Variants in ANKRD42 observed in about 807,000 individuals in gnomAD.
The protein encoded by ANKRD42 is ankyrin repeat domain 42, also known as ankyrin repeat domain-containing protein 42.
Under a neutral mutation model 51.5 loss-of-function variants are expected in ANKRD42, and 43 were observed. The ratio of observed to expected loss-of-function variants is 0.83; its 90% CI spans 0.65 to 1.08. The LOEUF is 1.08. Among genes scored for constraint, ANKRD42 ranks in the 50% least tolerant of loss-of-function variants. The pLI is 0.00. For missense variants in ANKRD42, 608 were observed against 629.3 expected (o/e 0.97, Z 0.36); for synonymous variants, 203 against 213.0 (o/e 0.95, Z 0.41).
downstream of ANKRD42, among the ~76,000 whole-genome samples, chr11:83,263,262 CTT>C (rs1864038127): frequency 6.6e-6 from 1 of 152,146 alleles, no homozygotes. Flanking sequence ...CAAATGAACA[CTT>C]ATTGTGAGGT....
intron 5 of ANKRD42, among the ~76,000 whole-genome samples, chr11:83,220,650 A>G (rs1445733600): frequency 6.6e-6 from 1 of 152,064 alleles, no homozygotes; most frequent in Non-Finnish European, 1.5e-5. Context: ...GCTTTGCTGG[A>G]TTCTTGGATG....
intron 1 of ANKRD42, among the ~76,000 whole-genome samples, chr11:83,198,115 C>G (rs1181660321): frequency 4.6e-5 from 7 of 152,200 alleles, no homozygotes; most frequent in Admixed American, 6.5e-5. Context: ...GGCAAGTCAT[C>G]AACATTACCA....
At position 83,206,250 on chromosome 11, in the gene ANKRD42, A is replaced by G. The variant is rs905239392; in HGVS notation, c.330+85A>G. On this transcript the variant is annotated intron_variant, in intron 3 of 10. Coordinates refer to ENST00000533342, the MANE Select transcript of ANKRD42 (RefSeq NM_001300975.2). ...TGCTATTATTCTAATTATTTGACTCAATAGATTTAGTTTTATGTTCTAAAC... is the reference window on the plus strand; with the variant it reads ...TGCTATTATTCTAATTATTTGACTCGATAGATTTAGTTTTATGTTCTAAAC... The G allele has an allele frequency of 4.4e-6, 5 of 1,133,916 alleles. No individual in the cohort carries two copies. The African/African-American group carries it at 4.6e-5, about 11-fold the overall frequency. The allele number at this position is 1,133,916 out of a possible 1,614,324, so 70.2% of individuals were successfully genotyped here.
At chr11:83,256,130 A>G, downstream of ANKRD42, 2 of 391,370 alleles carry the variant, frequency 5.1e-6, no homozygotes, top group South Asian at 9.8e-5. Context: ...TTCTCCCGAT[A>G]TTCTTCTTAT....
chr11:83,213,025 T>A, intron 5 of ANKRD42: 1 of 1,599,794 alleles, frequency 6.3e-7, no homozygotes, highest in Admixed American at 1.7e-5. Context: ...TCAGACCCCT[T>A]GTGAAGCCCA....
At chr11:83,224,093 C>G (rs935685156) in intron 5 of ANKRD42, among the ~76,000 whole-genome samples, 1 of 151,748 alleles carries the variant, frequency 6.6e-6, no homozygotes, top group East Asian at 1.9e-4. Context: ...TAAAAAATAC[C>G]TTTTCTGTTA....
intron 1 of ANKRD42, among the ~76,000 whole-genome samples, chr11:83,196,443 A>G (rs1861661084): frequency 2.0e-5 from 3 of 150,738 alleles, no homozygotes; most frequent in Admixed American, 6.6e-5. Context: ...TTTCTTGACC[A>G]TGTCCTACTG....
At chr11:83,244,260 C>T (rs765260115) in intron 9 of ANKRD42, among the ~76,000 whole-genome samples, 3 of 152,138 alleles carry the variant, frequency 2.0e-5, no homozygotes, top group South Asian at 2.1e-4. Flanking sequence ...GGGTTATAGG[C>T]GTGAGCCACT....
chr11:83,249,078 C>A, downstream of ANKRD42: 1 of 758,292 alleles, frequency 1.3e-6, no homozygotes, highest in Non-Finnish European at 1.6e-6. Flanking sequence ...GGTTAGAGGG[C>A]TAGAGGACAC....
intron 2 of ANKRD42, among the ~76,000 whole-genome samples, chr11:83,201,786 C>T (rs1861881057): frequency 6.6e-6 from 1 of 152,190 alleles, no homozygotes; most frequent in Non-Finnish European, 1.5e-5. Flanking sequence ...TTGTTGGCTG[C>T]ATAAATGTCT....
downstream of ANKRD42, chr11:83,256,164 G>T (rs1177049292): frequency 1.8e-5 from 5 of 274,626 alleles, no homozygotes. Flanking sequence ...GGCAAGTCAA[G>T]AGATTTATGA....
At chr11:83,194,870 C>A in intron 1 of ANKRD42, 142 bp downstream of exon 1, 1 of 845,180 alleles carries the variant, frequency 1.2e-6, no homozygotes, top group Non-Finnish European at 1.8e-6. Context: ...TCAGGGGATA[C>A]CAAAGCTGTT....
intron 5 of ANKRD42, among the ~76,000 whole-genome samples, chr11:83,216,705 CTTTA>C (rs1241115835): frequency 2.6e-5 from 4 of 152,276 alleles, no homozygotes; most frequent in Middle Eastern, 3.4e-3. Flanking sequence ...TTTCTGTCTT[CTTTA>C]TTTATGTTTT....
chr11:83,256,514 A>G (rs1032844366), downstream of ANKRD42, among the ~76,000 whole-genome samples: 1 of 152,174 alleles, frequency 6.6e-6, no homozygotes, highest in Non-Finnish European at 1.5e-5. Flanking sequence ...ATGGCTTTTC[A>G]GTTCAGTTCT....
chr11:83,255,409 G>A (rs964301318), intron 11 of ANKRD42, among the ~76,000 whole-genome samples: 3 of 152,190 alleles, frequency 2.0e-5, no homozygotes, highest in African/African-American at 7.2e-5. Flanking sequence ...ACAAAAGAGG[G>A]AAGCGGGGAA....
intron 8 of ANKRD42, among the ~76,000 whole-genome samples, chr11:83,237,926 C>T (rs1170457539): frequency 6.6e-6 from 1 of 152,162 alleles, no homozygotes; most frequent in Non-Finnish European, 1.5e-5. Flanking sequence ...GATCTGCTTC[C>T]TGTCACTGTA....
intron 6 of ANKRD42, among the ~76,000 whole-genome samples, chr11:83,226,800 TAAACA>T (rs60569543): frequency 0.71 from 107,192 of 150,946 alleles, 38,815 homozygotes; most frequent in African/African-American, 0.84. Context: ...ACCCTGCCTC[TAAACA>T]AAACAAAACA....
At chr11:83,196,688 T>G (rs954871078) in intron 1 of ANKRD42, among the ~76,000 whole-genome samples, 1 of 152,210 alleles carries the variant, frequency 6.6e-6, no homozygotes, top group African/African-American at 2.4e-5. Context: ...TACTAATCTG[T>G]GAGTTCCTTG....
Position 83,247,967 on chromosome 11 carries a change from G to A in ANKRD42, c.1347G>A (p.Gln449=). The A allele has an allele frequency of 6.2e-7, 1 of 1,612,980 alleles. No individual in the cohort carries two copies. ...GGACCATCAAAGAACTGCAGGGCCA[G>A]CTGGAGTATGAACGACTACGTAGAG... The part of the protein sequence containing the change: ...SEKTIKELQG[Q]LEYERLRREK... Residue 449 remains glutamine, a synonymous_variant, in exon 11 of 11, where the codon CAG becomes CAA. Coordinates refer to ENST00000533342, the MANE Select transcript of ANKRD42 (RefSeq NM_001300975.2).
Sources: gnomAD v4.1 joint callset for allele counts (sites outside exome capture counted in the v4.1 genomes callset) on GRCh38, gnomAD v4.1.1 for gene constraint, MANE v1.5 for transcripts, NCBI Gene and HGNC (gene_info 2026-07-23, HGNC 2026-07-21) for gene names.